UTRN: variants seen among roughly 807,000 people sequenced by gnomAD.
UTRN encodes dystrophin-related protein 1.
Under a neutral mutation model 463.9 loss-of-function variants are expected in UTRN, and 283 were observed. That is an observed-to-expected ratio of 0.61 (90% CI 0.55 to 0.67). The LOEUF is 0.67. Among genes scored for constraint, UTRN ranks in the 30% least tolerant of loss-of-function variants. The probability of loss-of-function intolerance (pLI) is 0.00; values close to 1 mark genes in which losing one functional copy is unlikely to be tolerated. For synonymous variants in UTRN, 1,442 were observed against 1,431.5 expected (o/e 1.01, Z -0.17); for missense variants, 3,922 against 4,084.3 (o/e 0.96, Z 1.08).
At chr6:144,425,924 T>C (rs74803688) in intron 6 of UTRN, among the ~76,000 whole-genome samples, 6,686 of 152,320 alleles carry the variant, frequency 0.044, 478 homozygotes, top group African/African-American at 0.15. Context: ...CTCATTTTTG[T>C]AGAAAATAAA....
intron 60 of UTRN, among the ~76,000 whole-genome samples, chr6:144,778,548 A>C (rs1775537304): frequency 1.3e-5 from 2 of 151,982 alleles, no homozygotes; most frequent in Admixed American, 6.6e-5. Context: ...ATGAAATGCC[A>C]GATGTGAAAC....
intron 41 of UTRN, 29 bp from the exon 42 acceptor site, chr6:144,531,023 C>A (rs1353523299): frequency 6.3e-7 from 1 of 1,588,050 alleles, no homozygotes; most frequent in Non-Finnish European, 8.6e-7. Context: ...AATTTGGAAA[C>A]CTATTTTATT....
In UTRN at chr6:144,596,963, G is replaced by A. The variant is rs1256183085; in HGVS notation, c.7479+19675G>A. Among the ~76,000 whole-genome samples, 3 of 152,138 alleles carry A rather than the reference G, an allele frequency of 2.0e-5. No individual in the cohort carries two copies. The East Asian group carries it at 5.8e-4, about 29-fold the overall frequency. ...AATGGCTTAAAAGTGCCTTGGCTAG[G>A]CACAGTGGCTCACACCTGTAATCCC... On this transcript the variant is annotated intron_variant, in intron 51 of 74. Transcript: ENST00000367545.
At chr6:144,539,501 TG>T in intron 45 of UTRN, 58 bp downstream of exon 45, 1 of 1,493,626 alleles carries the variant, frequency 6.7e-7, no homozygotes, top group Non-Finnish European at 8.9e-7. Flanking sequence ...TTGTCAGAGA[TG>T]TGGGATCATG....
chr6:144,490,211 C>G lies in UTRN; in HGVS notation c.4263+12C>G. On this transcript the variant is annotated intron_variant, in intron 31 of 74. Coordinates refer to ENST00000367545, the MANE Select transcript of UTRN (RefSeq NM_007124.3). Reference sequence around the variant, plus strand: ...TGGATGTGCTACAGGTAAAGAAGGCCAGGAGCTTCCTTTTACTTTTCAACT... The same window carrying G: ...TGGATGTGCTACAGGTAAAGAAGGCGAGGAGCTTCCTTTTACTTTTCAACT... 2 of 1,581,756 alleles carry G rather than the reference C, an allele frequency of 1.3e-6. No individual in the cohort carries two copies. The highest frequency in any genetic ancestry group is 8.5e-7 in the Non-Finnish European group (1 of 1,171,002).
At chr6:144,756,650 T>C (rs1252725452) in intron 57 of UTRN, among the ~76,000 whole-genome samples, 1 of 152,206 alleles carries the variant, frequency 6.6e-6, no homozygotes, top group Non-Finnish European at 1.5e-5. Context: ...GTGCCAACAC[T>C]GAAATGAGGT....
intron 51 of UTRN, among the ~76,000 whole-genome samples, chr6:144,631,274 CTATT>C (rs1198982084): frequency 8.2e-6 from 1 of 122,522 alleles, no homozygotes; most frequent in Non-Finnish European, 1.9e-5. Context: ...GTGTGTGTAA[CTATT>C]CTTTTGAAGA....
intron 65 of UTRN, among the ~76,000 whole-genome samples, chr6:144,813,564 G>A (rs1444025210): frequency 6.6e-6 from 1 of 152,124 alleles, no homozygotes; most frequent in African/African-American, 2.4e-5. Context: ...AGAGACATTT[G>A]TAAAGAGAAT....
chr6:144,417,119 A>AC (rs1231156646), intron 3 of UTRN, among the ~76,000 whole-genome samples: 5 of 152,328 alleles, frequency 3.3e-5, no homozygotes, highest in African/African-American at 1.2e-4. Flanking sequence ...GTGGTGTACT[A>AC]GAAAAAAAAA....
chr6:144,846,892 A>G lies in UTRN; in HGVS notation c.10293+65A>G, dbSNP rs376758277. 2.5e-4 allele frequency: 403 copies of G among 1,589,754 alleles called. 2 individuals carry two copies. The highest frequency in any genetic ancestry group is 3.3e-4 in the Non-Finnish European group (388 of 1,159,908). On this transcript the variant is annotated intron_variant, in intron 74 of 74. Coordinates refer to ENST00000367545, the MANE Select transcript of UTRN (RefSeq NM_007124.3). ...CCAACCTAGAGTAAGCAGATTATCCACGACTGATTTTATTCCTACTTTATT... is the reference window on the plus strand; with the variant it reads ...CCAACCTAGAGTAAGCAGATTATCCGCGACTGATTTTATTCCTACTTTATT...
chr6:144,510,835 CAT>C, intron 34 of UTRN, 107 bp from the exon 35 acceptor site: 1 of 913,120 alleles, frequency 1.1e-6, no homozygotes, highest in Non-Finnish European at 1.5e-6. Flanking sequence ...TATAGGGAGT[CAT>C]GGACTACTTT....
At chr6:144,637,228 C>T (rs1379874064) in intron 51 of UTRN, among the ~76,000 whole-genome samples, 1 of 152,186 alleles carries the variant, frequency 6.6e-6, no homozygotes, top group Non-Finnish European at 1.5e-5. Flanking sequence ...CCTCGTCCCT[C>T]CAAAGTGCTG....
intron 39 of UTRN, among the ~76,000 whole-genome samples, chr6:144,521,472 T>C (rs1287214455): frequency 1.3e-5 from 2 of 152,214 alleles, no homozygotes; most frequent in South Asian, 2.1e-4. Context: ...GATTACATAC[T>C]GAATTACCTG....
chr6:144,815,036 T>C (rs1214687803), intron 65 of UTRN, among the ~76,000 whole-genome samples: 1 of 152,208 alleles, frequency 6.6e-6, no homozygotes, highest in Non-Finnish European at 1.5e-5. Flanking sequence ...CATCTTGTAA[T>C]AGTAGCTAAT....
chr6:144,550,991 C>T lies in UTRN; in HGVS notation c.6837C>T (p.Arg2279=). The change falls in exon 48 of 75, where the codon CGC becomes CGT. Residue 2279 remains arginine (R), a synonymous_variant. Coordinates refer to ENST00000367545, the MANE Select transcript of UTRN (RefSeq NM_007124.3). ...MKITKADLEQ[R]HPQLDYVFTL... Reference sequence around the variant, plus strand: ...TTACAAAGGCTGACTTAGAACAGCGCCATCCTCAGCTGGATTATGTTTTTA... The same window carrying T: ...TTACAAAGGCTGACTTAGAACAGCGTCATCCTCAGCTGGATTATGTTTTTA... The T allele has an allele frequency of 1.2e-6, 2 of 1,611,202 alleles. No individual in the cohort carries two copies. Among genetic ancestry groups the T allele is most frequent in the Non-Finnish European group, 8.5e-7 (1 of 1,179,266 alleles).
At chr6:144,702,360 G>A (rs945120189) in intron 53 of UTRN, among the ~76,000 whole-genome samples, 4 of 152,114 alleles carry the variant, frequency 2.6e-5, no homozygotes, top group African/African-American at 7.2e-5. Flanking sequence ...TAAGCCTTTA[G>A]GTAATGAAGA....
chr6:144,485,339 T>G (rs1411834530), intron 27 of UTRN, 46 bp from the exon 28 acceptor site: 1 of 1,611,666 alleles, frequency 6.2e-7, no homozygotes, highest in South Asian at 1.1e-5. Context: ...AGAGATACGA[T>G]GTGTGAAATG....
chr6:144,816,733 C>CTTTTTTTTTTTTTT (rs35967778), intron 65 of UTRN, among the ~76,000 whole-genome samples: 2 of 132,096 alleles, frequency 1.5e-5, no homozygotes, highest in East Asian at 2.2e-4. Flanking sequence ...AGCTTTTTTC[C>CTTTTTTTTTTTTTT]TTTTTTTTTT....
chr6:144,584,821 T>C (rs1396922851), intron 51 of UTRN, among the ~76,000 whole-genome samples: 2 of 152,278 alleles, frequency 1.3e-5, no homozygotes, highest in East Asian at 3.9e-4. Context: ...TTTGTAAACC[T>C]AGTTATTTCA....
Sources: allele counts gnomAD v4.1 joint callset (sites outside exome capture counted in the v4.1 genomes callset), GRCh38; gene constraint gnomAD v4.1.1; transcripts MANE v1.5; gene names NCBI Gene and HGNC (gene_info 2026-07-23, HGNC 2026-07-21).